PGM2: variants seen among roughly 807,000 people sequenced by gnomAD.
PGM2 encodes phosphoglucomutase 2.
In PGM2, 57 loss-of-function variants were observed where a neutral mutation model predicts 74.6. That is an observed-to-expected ratio of 0.76 (90% CI 0.62 to 0.95). The LOEUF (loss-of-function observed/expected upper bound fraction) is 0.95. Among genes scored for constraint, PGM2 ranks in the 40% least tolerant of loss-of-function variants. The pLI is 0.00. For missense variants in PGM2, 706 were observed against 741.9 expected, an observed-to-expected ratio of 0.95 and a Z score of 0.56; for synonymous variants, 273 against 260.7, an observed-to-expected ratio of 1.05 and a Z score of -0.46.
At chr4:37,837,764 A>G in intron 4 of PGM2, 151 bp downstream of exon 4, 1 of 639,012 alleles carries the variant, frequency 1.6e-6, no homozygotes, top group East Asian at 2.6e-5. Context: ...CTCTCCTGGA[A>G]TGTTTCTCCC....
At chr4:37,850,708 A>C (rs1329669551) in intron 12 of PGM2, among the ~76,000 whole-genome samples, 4 of 151,854 alleles carry the variant, frequency 2.6e-5, no homozygotes, top group Non-Finnish European at 5.9e-5. Context: ...AGACTCTACT[A>C]GGCTGGGAGC....
intron 10 of PGM2, among the ~76,000 whole-genome samples, chr4:37,848,220 A>G (rs1307375232): frequency 6.6e-6 from 1 of 152,244 alleles, no homozygotes; most frequent in Non-Finnish European, 1.5e-5. Context: ...TTCAGAGAAG[A>G]AAGAGATATG....
At chr4:37,848,007 C>T (rs1345891342) in intron 10 of PGM2, among the ~76,000 whole-genome samples, 2 of 152,176 alleles carry the variant, frequency 1.3e-5, no homozygotes, top group African/African-American at 2.4e-5. Flanking sequence ...GCAGACTTGT[C>T]TTTCCGTAGC....
At chr4:37,835,910 A>G (rs569887129) in intron 3 of PGM2, among the ~76,000 whole-genome samples, 53 of 152,376 alleles carry the variant, frequency 3.5e-4, no homozygotes, top group African/African-American at 1.2e-3. Context: ...CATGAACTAC[A>G]TTCACAAGAG....
chr4:37,841,756 C>G (rs1438913806), intron 6 of PGM2, among the ~76,000 whole-genome samples: 3 of 152,190 alleles, frequency 2.0e-5, no homozygotes, highest in African/African-American at 7.2e-5. Flanking sequence ...AAGAATGAGG[C>G]ATTTCTGCTT....
chr4:37,846,869 CTT>C, intron 8 of PGM2, 60 bp from the exon 9 acceptor site: 1 of 1,336,432 alleles, frequency 7.5e-7, no homozygotes, highest in Middle Eastern at 1.9e-4. Flanking sequence ...CCCCATGACA[CTT>C]TAGAGTCTTC....
chr4:37,832,178 G>A (rs1232715513), intron 2 of PGM2, among the ~76,000 whole-genome samples: 5 of 152,198 alleles, frequency 3.3e-5, no homozygotes, highest in Non-Finnish European at 5.9e-5. Flanking sequence ...CCACTCTGAA[G>A]TGCTCATTCA....
Position 37,855,682 on chromosome 4 carries a change from C to T in PGM2, c.1677C>T (p.Thr559=). 6.2e-7 allele frequency: 1 copy of T among 1,614,056 alleles called. No individual in the cohort carries two copies. Among genetic ancestry groups the T allele is most frequent in the East Asian group, 2.2e-5 (1 of 44,876 alleles). Residue 559 remains threonine (T), a synonymous_variant, in exon 13 of 14, where the codon ACC becomes ACT. Coordinates refer to ENST00000381967, the MANE Select transcript of PGM2 (RefSeq NM_018290.4). ...FANGGVATMR[T]SGTEPKIKYY... is the part of the protein sequence containing the mutation. ...ATGGAGGCGTGGCCACCATGCGCACCAGTGGGACAGAGCCCAAAATCAAGT... is the reference window on the plus strand; with the variant it reads ...ATGGAGGCGTGGCCACCATGCGCACTAGTGGGACAGAGCCCAAAATCAAGT...
chr4:37,832,791 A>G (rs754726343), intron 2 of PGM2, among the ~76,000 whole-genome samples: 1 of 152,156 alleles, frequency 6.6e-6, no homozygotes, highest in Non-Finnish European at 1.5e-5. Context: ...TAGACTTTAC[A>G]TATTGGTCTT....
Position 37,848,508 on chromosome 4 carries a change from G to C in PGM2, c.1283-14G>C. ...AGTATTGTATAGATGTATGTATGAC[G>C]TGTGTTTCTGCAGGATACATGTGCT... is the stretch of plus-strand genomic sequence containing the variant. On this transcript the variant is annotated splice_polypyrimidine_tract_variant and intron_variant, in intron 10 of 13. Coordinates refer to ENST00000381967, the MANE Select transcript of PGM2 (RefSeq NM_018290.4). The C allele has an allele frequency of 6.2e-7, 1 of 1,608,782 alleles. No individual in the cohort carries two copies. The highest frequency in any genetic ancestry group is 8.5e-7 in the Non-Finnish European group (1 of 1,176,436).
In PGM2 at chr4:37,827,582, A is replaced by C. The variant is rs1725329352; in HGVS notation, c.81+769A>C. The stretch of plus-strand genomic sequence containing the variant: ...GACTCATATTTTGTGCCTGAACTTA[A>C]ATGTGGCTTACGTAGAGAGTCAGTC... On this transcript the variant is annotated intron_variant, in intron 1 of 13. Coordinates refer to ENST00000381967, the MANE Select transcript of PGM2 (RefSeq NM_018290.4). Among the ~76,000 whole-genome samples, 3 of 151,992 alleles carry C rather than the reference A, an allele frequency of 2.0e-5. No individual in the cohort carries two copies. In the South Asian group the frequency reaches 6.2e-4, roughly 32 times the overall value.
chr4:37,850,956 A>T (rs552467767), intron 12 of PGM2, among the ~76,000 whole-genome samples: 1 of 136,728 alleles, frequency 7.3e-6, no homozygotes, highest in Non-Finnish European at 1.5e-5. Context: ...GCACCACTAC[A>T]CTCTAGCCTG....
rs11358189 is a variant in PGM2 at position 37,853,359 on chromosome 4, CTTTTTTTTT to C, written c.1603-2234_1603-2226del. ...TGCTGTGTTGCCCAGGGTGATATTC[CTTTTTTTTT>C]TTTTTTTTTTTTTTAATGTAAACAA... On this transcript the variant is annotated intron_variant, in intron 12 of 13. Transcript: ENST00000381967. Among the ~76,000 whole-genome samples the C allele has an allele frequency of 1.2e-3, 151 of 125,104 alleles. 1 individual carries two copies. The highest frequency in any genetic ancestry group is 3.4e-3 in the African/African-American group (105 of 30,918). 82.1% of individuals were successfully genotyped at this position (125,104 alleles called of 152,430 possible).
At chr4:37,861,407 C>T in intron 13 of PGM2, 103 bp from the exon 14 acceptor site, 1 of 711,144 alleles carries the variant, frequency 1.4e-6, no homozygotes, top group Admixed American at 2.1e-5. Flanking sequence ...TAGTCCTCTT[C>T]TTAAGGTTAT....
chr4:37,844,451 T>C lies in PGM2; in HGVS notation c.807T>C (p.Ala269=), dbSNP rs1325995333. 1 of 1,613,656 alleles carries C rather than the reference T, an allele frequency of 6.2e-7. No homozygotes were observed. The highest frequency in any genetic ancestry group is 8.5e-7 in the Non-Finnish European group (1 of 1,179,540). ...GCTTTGTGCAGTCAGCTTTCAAGGC[T>C]TTTGACCTTGTTCCTCCTGAGGCTG... ...GHSFVQSAFK[A]FDLVPPEAVP... The change falls in exon 7 of 14, where the codon GCT becomes GCC. Residue 269 remains alanine, a synonymous_variant. Transcript: ENST00000381967.
intron 11 of PGM2, among the ~76,000 whole-genome samples, chr4:37,848,881 C>CT (rs1725951254): frequency 6.6e-6 from 1 of 151,912 alleles, no homozygotes; most frequent in South Asian, 2.1e-4. Context: ...ACCAGCCTGT[C>CT]CAACATGGTG....
Position 37,830,011 on chromosome 4 carries a change from TA to T in PGM2, c.132del (p.Glu45LysfsTer29). The T allele has an allele frequency of 1.2e-6, 2 of 1,609,718 alleles. No homozygotes were observed. The highest frequency in any genetic ancestry group is 1.7e-5 in the Admixed American group (1 of 58,832). ...AVKRLIAEGN[K>X]EELRKCFGAR... ...TGAAACGACTAATAGCAGAAGGTAA[TA>T]AAGAAGAACTACGAAAATGTTTTGG... On this transcript the variant is annotated frameshift_variant, in exon 2 of 14. Coordinates refer to ENST00000381967, the MANE Select transcript of PGM2 (RefSeq NM_018290.4). LOFTEE classifies it high-confidence loss of function.
At chr4:37,840,903 T>A (rs1446998303) in intron 6 of PGM2, among the ~76,000 whole-genome samples, 3 of 151,708 alleles carry the variant, frequency 2.0e-5, no homozygotes, top group African/African-American at 7.3e-5. Context: ...TGACCTGTTA[T>A]AGATTCCATA....
rs1711827134 is a variant in PGM2, at chr4:37,862,862, A to T, written c.*1250A>T. 1 of 152,118 alleles carries T rather than the reference A, an allele frequency of 6.6e-6. No individual in the cohort carries two copies. The highest frequency in any genetic ancestry group is 6.6e-5 in the Admixed American group (1 of 15,222). 9.4% of individuals were successfully genotyped at this position (152,118 alleles called of 1,614,324 possible). A position where few individuals can be genotyped will look rare whatever the true frequency, so the allele number is the denominator to read the frequency against. On this transcript the variant is annotated 3_prime_UTR_variant, in exon 14 of 14. Coordinates refer to ENST00000381967, the MANE Select transcript of PGM2 (RefSeq NM_018290.4). ...TATTCTACAAACTGCTTTATTGTAGAAGCCATATTTATGTTTATTTTATAA... is the reference window on the plus strand; with the variant it reads ...TATTCTACAAACTGCTTTATTGTAGTAGCCATATTTATGTTTATTTTATAA...
Sources: gnomAD v4.1 joint callset for allele counts (sites outside exome capture counted in the v4.1 genomes callset) on GRCh38, gnomAD v4.1.1 for gene constraint, MANE v1.5 for transcripts, NCBI Gene and HGNC (gene_info 2026-07-23, HGNC 2026-07-21) for gene names.